CEP85L: variants seen among roughly 807,000 people sequenced by gnomAD.
CEP85L encodes the protein centrosomal protein 85L, also known as centrosomal protein of 85 kDa-like.
Under a neutral mutation model 100.3 loss-of-function variants are expected in CEP85L, and 60 were observed. That is an observed-to-expected ratio of 0.60 (90% confidence interval 0.49 to 0.74). The LOEUF is 0.74. Ranked by LOEUF, CEP85L falls within the 30% of genes least tolerant of loss-of-function variation. The pLI, the probability that CEP85L is intolerant of heterozygous loss-of-function variation, is 0.00. For missense variants in CEP85L, 973 were observed against 936.2 expected, an observed-to-expected ratio of 1.04 and a Z score of -0.51; for synonymous variants, 319 against 322.7, an observed-to-expected ratio of 0.99 and a Z score of 0.12.
intron 2 of CEP85L, among the ~76,000 whole-genome samples, chr6:118,599,712 AATT>A (rs139515213): frequency 0.066 from 10,094 of 151,896 alleles, 429 homozygotes; most frequent in Non-Finnish European, 0.098. Context: ...AATGATGTCG[AATT>A]ATTATTATGT....
intron 4 of CEP85L, among the ~76,000 whole-genome samples, chr6:118,514,240 C>T (rs911304166): frequency 3.3e-5 from 5 of 152,004 alleles, no homozygotes; most frequent in African/African-American, 1.2e-4. Context: ...AAACAAATAG[C>T]AATGCCAGGC....
intron 1 of CEP85L, among the ~76,000 whole-genome samples, chr6:118,648,297 CA>C (rs1775332319): frequency 6.6e-6 from 1 of 152,102 alleles, no homozygotes; most frequent in Admixed American, 6.5e-5. Flanking sequence ...TGGTTTATAA[CA>C]GTTACTCCAA....
At chr6:118,533,924 G>A (rs903458234) in intron 3 of CEP85L, among the ~76,000 whole-genome samples, 9 of 152,088 alleles carry the variant, frequency 5.9e-5, no homozygotes, top group Middle Eastern at 3.4e-3. Context: ...GTGAAACCCC[G>A]TCTCTACTAA....
chr6:118,497,225 T>C (rs1774981987), intron 5 of CEP85L, among the ~76,000 whole-genome samples: 1 of 152,188 alleles, frequency 6.6e-6, no homozygotes, highest in Admixed American at 6.5e-5. Context: ...ACATTTTGGA[T>C]TAGAGTCAAG....
rs543790768 is a variant in CEP85L at position 118,558,859 on chromosome 6, C to T, written c.1020+6670G>A. On this transcript the variant is annotated intron_variant, in intron 3 of 12. Coordinates refer to ENST00000368491, the MANE Select transcript of CEP85L (RefSeq NM_001042475.3). ...AAGAAGACAGTTATCTCATATTTGGCTGCCAGCTTTTTATCTTTCTCTCGA... is the reference window on the plus strand; with the variant it reads ...AAGAAGACAGTTATCTCATATTTGGTTGCCAGCTTTTTATCTTTCTCTCGA... The T allele has an allele frequency of 4.8e-5, 59 of 1,220,710 alleles. No individual in the cohort carries two copies. In the Middle Eastern group the frequency reaches 1.5e-3, roughly 31 times the overall value. The allele number at this position is 1,220,710 out of a possible 1,614,324, so 75.6% of individuals were successfully genotyped here.
Position 118,651,339 on chromosome 6 carries a change from G to A in CEP85L, c.-70C>T, listed in dbSNP as rs984359262. On this transcript the variant is annotated 5_prime_UTR_variant, in exon 1 of 13. Coordinates refer to ENST00000368491, the MANE Select transcript of CEP85L (RefSeq NM_001042475.3). ...CGTCCGTCCTCCTGCTTCTTCGGCG[G>A]CGGAAACTTGCGCGGAGCGTGGGCC... The A allele has an allele frequency of 7.2e-7, 1 of 1,386,560 alleles. No homozygotes were observed. Among genetic ancestry groups the A allele is most frequent in the Non-Finnish European group, 9.3e-7 (1 of 1,071,012 alleles). The allele number at this position is 1,386,560 out of a possible 1,614,324, so 85.9% of individuals were successfully genotyped here.
intron 2 of CEP85L, chr6:118,589,539 C>A: frequency 4.0e-6 from 1 of 251,398 alleles, no homozygotes; most frequent in Non-Finnish European, 8.7e-6. Context: ...ACATCTAGAC[C>A]CAAGAAAAGG....
At chr6:118,546,886 T>C (rs918870620) in intron 3 of CEP85L, among the ~76,000 whole-genome samples, 1 of 152,166 alleles carries the variant, frequency 6.6e-6, no homozygotes, top group Admixed American at 6.5e-5. Context: ...AGTTGTAAAT[T>C]TTCCCTTGGC....
chr6:118,598,644 G>C (rs1781573406), intron 2 of CEP85L, among the ~76,000 whole-genome samples: 2 of 152,156 alleles, frequency 1.3e-5, no homozygotes, highest in Non-Finnish European at 1.5e-5. Flanking sequence ...AAAAGGCAAG[G>C]AAGAATTCTT....
Position 118,490,748 on chromosome 6 carries a change from A to G in CEP85L, c.1437+938T>C, listed in dbSNP as rs187966853. ...CTGTAGTATATCTTTATAATGAAAA[A>G]CACTACTCAGCAATAGATAGAAACT... On this transcript the variant is annotated intron_variant, in intron 6 of 12. Coordinates refer to ENST00000368491, the MANE Select transcript of CEP85L (RefSeq NM_001042475.3). 5.1e-3 allele frequency among the ~76,000 whole-genome samples: 775 copies of G among 152,296 alleles called. 2 individuals are homozygous for G. Among genetic ancestry groups the G allele is most frequent in the Middle Eastern group, 0.014 (4 of 294 alleles).
At chr6:118,683,473 T>C (rs1583256593) in intron 1 of CEP85L, among the ~76,000 whole-genome samples, 1 of 152,060 alleles carries the variant, frequency 6.6e-6, no homozygotes, top group Non-Finnish European at 1.5e-5. Context: ...GAAAGGAGGG[T>C]AACATTCCCT....
rs915377334 is a variant in CEP85L at position 118,602,331 on chromosome 6, T to C, written c.232+30122A>G. On this transcript the variant is annotated intron_variant, in intron 2 of 12. Coordinates refer to ENST00000368491, the MANE Select transcript of CEP85L (RefSeq NM_001042475.3). ...CTACACAAAGAGTGTAACAGCAATA[T>C]ATTCCACAAGAGTACAGCAAAATAA... Among the ~76,000 whole-genome samples the C allele has an allele frequency of 4.7e-4, 71 of 152,208 alleles. 1 individual carries two copies. Among genetic ancestry groups the C allele is most frequent in the Admixed American group, 4.5e-3 (69 of 15,270 alleles).
chr6:118,599,734 TATG>T (rs763872240), intron 2 of CEP85L, among the ~76,000 whole-genome samples: 2 of 152,242 alleles, frequency 1.3e-5, no homozygotes, highest in South Asian at 2.1e-4. Context: ...GTACCCCTGA[TATG>T]ATATGATGAA....
intron 4 of CEP85L, among the ~76,000 whole-genome samples, chr6:118,521,018 A>G (rs1360855606): frequency 1.3e-5 from 2 of 152,014 alleles, no homozygotes; most frequent in African/African-American, 4.8e-5. Context: ...ACGCAGTGTG[A>G]AAAAAAACAC....
intron 1 of CEP85L, 104 bp downstream of exon 1, chr6:118,651,092 CG>C: frequency 1.5e-6 from 2 of 1,369,048 alleles, no homozygotes; most frequent in Non-Finnish European, 1.9e-6. Context: ...GGGAGGCGGC[CG>C]GGGTAAGACA....
intron 1 of CEP85L, among the ~76,000 whole-genome samples, chr6:118,709,380 G>A (rs147457066): frequency 0.012 from 1,815 of 152,228 alleles, 19 homozygotes; most frequent in Middle Eastern, 0.031. Context: ...GAGTGTGTAC[G>A]CCAGATTGGG....
intron 2 of CEP85L, among the ~76,000 whole-genome samples, chr6:118,593,931 C>G (rs1170861978): frequency 6.6e-6 from 1 of 152,144 alleles, no homozygotes; most frequent in Non-Finnish European, 1.5e-5. Flanking sequence ...TCCCAAACCC[C>G]TTTTACCTTG....
rs71012391 is a variant in CEP85L, at chr6:118,542,900, CAAAAAA to C, written c.1021-18986_1021-18981del. On this transcript the variant is annotated intron_variant, in intron 3 of 12. Coordinates refer to ENST00000368491, the MANE Select transcript of CEP85L (RefSeq NM_001042475.3). ...GAACTTCAACATCACCAAGTTTTCCCAAAAAAAAAAAAAAAAAAAAAAACAGGATAT... is the reference window on the plus strand; with the variant it reads ...GAACTTCAACATCACCAAGTTTTCCCAAAAAAAAAAAAAAAAACAGGATAT... 1.6e-4 allele frequency among the ~76,000 whole-genome samples: 11 copies of C among 67,164 alleles called. No homozygotes were observed. In the South Asian group the frequency reaches 2.0e-3, roughly 12 times the overall value. 44.1% of individuals were successfully genotyped at this position (67,164 alleles called of 152,430 possible).
chr6:118,472,597 A>C (rs559683869), intron 10 of CEP85L, among the ~76,000 whole-genome samples: 3 of 152,222 alleles, frequency 2.0e-5, no homozygotes, highest in Admixed American at 1.3e-4. Flanking sequence ...TTATTTTATA[A>C]ATACTTTTTG....
Sources: gnomAD v4.1 joint callset for allele counts (sites outside exome capture counted in the v4.1 genomes callset) on GRCh38, gnomAD v4.1.1 for gene constraint, MANE v1.5 for transcripts, NCBI Gene and HGNC (gene_info 2026-07-23, HGNC 2026-07-21) for gene names.